Variants in ACBD6 observed in about 807,000 individuals in gnomAD.
ACBD6 encodes acyl-CoA binding domain containing 6.
In ACBD6, 28 loss-of-function variants were observed where a neutral mutation model predicts 37.2. The observed-to-expected ratio is 0.75, with a 90% CI of 0.56 to 1.03. The LOEUF (loss-of-function observed/expected upper bound fraction) is 1.03. ACBD6 is among the 50% of genes least tolerant of loss of function. The pLI, the probability that ACBD6 is intolerant of heterozygous loss-of-function variation, is 0.00. For synonymous variants in ACBD6, 113 were observed against 126.8 expected (o/e 0.89, Z 0.73); for missense variants, 340 against 337.4 (o/e 1.01, Z -0.06).
chr1:180,346,071 A>G (rs771151520), intron 6 of ACBD6, among the ~76,000 whole-genome samples: 7 of 152,200 alleles, frequency 4.6e-5, no homozygotes. Flanking sequence ...CTTGAGAGAT[A>G]TGGTAAGCAT....
In ACBD6 at chr1:180,329,962, C is replaced by T. The variant is rs532866743; in HGVS notation, c.664-15240G>A. On this transcript the variant is annotated intron_variant, in intron 6 of 7. Transcript: ENST00000367595. ...CAATAGTTACAAGATAACTTTCTGA[C>T]CAGCCCACTCCTCAGTTTTCTTAAG... 3.9e-5 allele frequency among the ~76,000 whole-genome samples: 6 copies of T among 152,244 alleles called. No individual in the cohort carries two copies. In the South Asian group the frequency reaches 1.0e-3, roughly 26 times the overall value.
intron 3 of ACBD6, among the ~76,000 whole-genome samples, chr1:180,466,824 A>G (rs1650365419): frequency 6.6e-6 from 1 of 152,114 alleles, no homozygotes; most frequent in African/African-American, 2.4e-5. Flanking sequence ...AGGAGTAACA[A>G]CAGCACCTAC....
chr1:180,432,205 CA>C (rs35887874), intron 3 of ACBD6, among the ~76,000 whole-genome samples: 96,149 of 141,386 alleles, frequency 0.68, 33,791 homozygotes, highest in Non-Finnish European at 0.81. Flanking sequence ...GATTCTGTCT[CA>C]AAAAAAAAAA....
intron 3 of ACBD6, among the ~76,000 whole-genome samples, chr1:180,437,036 T>C (rs955464455): frequency 5.3e-5 from 8 of 152,216 alleles, no homozygotes; most frequent in Non-Finnish European, 1.0e-4. Flanking sequence ...TCAGCTTGGG[T>C]ACATGTTCTC....
intron 6 of ACBD6, among the ~76,000 whole-genome samples, chr1:180,382,864 T>C (rs560572596): frequency 6.6e-6 from 1 of 152,332 alleles, no homozygotes; most frequent in African/African-American, 2.4e-5. Flanking sequence ...AAATGGGACT[T>C]ATCCCAGGGA....
chr1:180,359,018 A>G (rs1040183388), intron 6 of ACBD6, among the ~76,000 whole-genome samples: 2 of 152,234 alleles, frequency 1.3e-5, no homozygotes, highest in African/African-American at 4.8e-5. Context: ...TGAGGATAAA[A>G]AAAAGAAGAA....
intron 4 of ACBD6, among the ~76,000 whole-genome samples, chr1:180,417,080 A>T (rs572579819): frequency 1.2e-4 from 19 of 152,240 alleles, no homozygotes; most frequent in Non-Finnish European, 2.6e-4. Flanking sequence ...CTACAAAGAT[A>T]AAAACAAATG....
intron 6 of ACBD6, among the ~76,000 whole-genome samples, chr1:180,347,339 CACTT>C (rs1349398634): frequency 2.1e-5 from 3 of 144,814 alleles, no homozygotes; most frequent in South Asian, 2.2e-4. Context: ...GGGAGTCAAA[CACTT>C]AATTTTTCAA....
intron 6 of ACBD6, among the ~76,000 whole-genome samples, chr1:180,387,861 A>T (rs778961957): frequency 6.6e-6 from 1 of 152,098 alleles, no homozygotes; most frequent in Admixed American, 6.6e-5. Flanking sequence ...AGCCCACTTC[A>T]GCTTATAAAG....
chr1:180,369,520 G>A (rs571922129), intron 6 of ACBD6, among the ~76,000 whole-genome samples: 6 of 152,216 alleles, frequency 3.9e-5, no homozygotes, highest in East Asian at 3.9e-4. Flanking sequence ...GATGATTATC[G>A]TATACCTCAG....
intron 4 of ACBD6, among the ~76,000 whole-genome samples, chr1:180,415,087 A>C (rs1208338568): frequency 4.6e-5 from 7 of 151,752 alleles, no homozygotes; most frequent in African/African-American, 1.2e-4. Flanking sequence ...AAAAAAATAA[A>C]AAAAACAAAA....
chr1:180,432,610 A>G (rs977198751), intron 3 of ACBD6, among the ~76,000 whole-genome samples: 2 of 152,176 alleles, frequency 1.3e-5, no homozygotes, highest in African/African-American at 4.8e-5. Context: ...TAGATTAATA[A>G]GCAAATGATA....
chr1:180,459,460 T>G (rs1470793753), intron 3 of ACBD6, among the ~76,000 whole-genome samples: 1 of 152,210 alleles, frequency 6.6e-6, no homozygotes, highest in Non-Finnish European at 1.5e-5. Flanking sequence ...ACACACCTAA[T>G]GAACATCCTG....
chr1:180,403,958 CT>C (rs1198562775), intron 5 of ACBD6, among the ~76,000 whole-genome samples: 3 of 148,070 alleles, frequency 2.0e-5, no homozygotes, highest in African/African-American at 2.5e-5. Context: ...TACAGAGTTT[CT>C]TTTTTTTTTG....
At chr1:180,397,725 T>C (rs1288961459) in intron 5 of ACBD6, 120 bp from the exon 6 acceptor site, 2 of 888,050 alleles carry the variant, frequency 2.3e-6, no homozygotes, top group Non-Finnish European at 3.7e-6. Context: ...CTAAGAATGA[T>C]TGATATAAAA....
At chr1:180,415,429 A>AC (rs59231572) in intron 4 of ACBD6, among the ~76,000 whole-genome samples, 1 of 151,944 alleles carries the variant, frequency 6.6e-6, no homozygotes, top group Admixed American at 6.6e-5. Flanking sequence ...AAAAAAAAAA[A>AC]CACCATGTCT....
downstream of ACBD6, among the ~76,000 whole-genome samples, chr1:180,285,816 A>G (rs974655049): frequency 3.3e-5 from 5 of 152,118 alleles, no homozygotes; most frequent in Admixed American, 1.3e-4. Context: ...TGAAACATTA[A>G]AAAAAGATAT....
chr1:180,409,923 G>A (rs1250372305), intron 5 of ACBD6, among the ~76,000 whole-genome samples: 2 of 152,188 alleles, frequency 1.3e-5, no homozygotes, highest in African/African-American at 4.8e-5. Context: ...CAAAAGCTAG[G>A]CCTCTTGTGC....
At chr1:180,405,257 A>C (rs1297400304) in intron 5 of ACBD6, among the ~76,000 whole-genome samples, 7 of 120,286 alleles carry the variant, frequency 5.8e-5, no homozygotes, top group African/African-American at 2.3e-4. Flanking sequence ...CAGTTTCTCA[A>C]GCCAAAAGCA....
Sources: gnomAD v4.1 joint callset for allele counts (sites outside exome capture counted in the v4.1 genomes callset) on GRCh38, gnomAD v4.1.1 for gene constraint, MANE v1.5 for transcripts, NCBI Gene and HGNC (gene_info 2026-07-23, HGNC 2026-07-21) for gene names.